EVC: variants seen among roughly 807,000 people sequenced by gnomAD.
EVC encodes the protein evC complex member EVC.
Under a neutral mutation model 118.9 loss-of-function variants are expected in EVC, and 116 were observed. That is an observed-to-expected ratio of 0.98 (90% CI 0.84 to 1.14). The LOEUF is 1.14. Among genes scored for constraint, EVC ranks in the 50% most tolerant of loss-of-function variants. The pLI is 0.00. For synonymous variants in EVC, 619 were observed against 534.7 expected (o/e 1.16, Z -2.18); for missense variants, 1,401 against 1,246.4 (o/e 1.12, Z -1.87).
rs574178952 is a variant in EVC at position 5,802,564 on chromosome 4, G to C, written c.2449+470G>C. On this transcript the variant is annotated intron_variant, in intron 16 of 20. Coordinates refer to ENST00000264956, the MANE Select transcript of EVC (RefSeq NM_153717.3). ...TAATTATACAACTCACCATAATGTA[G>C]AATCAGTGGGAGCCCTGAGCTTGTT... Among the ~76,000 whole-genome samples the C allele has an allele frequency of 2.8e-5, 4 of 140,436 alleles. No individual in the cohort carries two copies. The South Asian group carries it at 1.1e-3, about 40-fold the overall frequency. 92.1% of individuals were successfully genotyped at this position (140,436 alleles called of 152,430 possible).
At chr4:5,761,418 G>A (rs546721848) in intron 11 of EVC, among the ~76,000 whole-genome samples, 2 of 144,724 alleles carry the variant, frequency 1.4e-5, no homozygotes, top group Non-Finnish European at 3.0e-5. Context: ...CTGGAAAAAC[G>A]CAAGTCACAG....
At chr4:5,751,389 C>A (rs1043421736) in intron 8 of EVC, among the ~76,000 whole-genome samples, 16 of 152,254 alleles carry the variant, frequency 1.1e-4, no homozygotes, top group Non-Finnish European at 2.4e-4. Context: ...ACTGCCGAAT[C>A]CAGCCAGCCT....
chr4:5,760,197 CAATAT>C (rs1731794088), intron 11 of EVC, among the ~76,000 whole-genome samples: 1 of 151,926 alleles, frequency 6.6e-6, no homozygotes, highest in South Asian at 2.1e-4. Context: ...TTCGGGGGCC[CAATAT>C]ATTTTCCTTT....
chr4:5,756,160 C>T lies in EVC; in HGVS notation c.1465-104C>T. 2.2e-6 allele frequency: 2 copies of T among 900,096 alleles called. No individual in the cohort carries two copies. Among genetic ancestry groups the T allele is most frequent in the Non-Finnish European group, 1.8e-6 (1 of 563,788 alleles). The allele number at this position is 900,096 out of a possible 1,614,324, so 55.8% of individuals were successfully genotyped here. On this transcript the variant is annotated intron_variant, in intron 10 of 20. Transcript: ENST00000264956. This position sits in a 1 kb window ranked among gnomAD's most constrained non-coding sequence, Gnocchi z 4.2. ...TGTGTGTAATACAGGTGCCAACATC[C>T]TTCTTTCTAACCTGAGATGCAGGGG...
In EVC at chr4:5,740,827, C is replaced by T. The variant is rs184671780; in HGVS notation, c.703-889C>T. The stretch of plus-strand genomic sequence containing the variant: ...AGGATATATAGATGGTAAGTAAACA[C>T]GTAAAAAGGTGTTCAATGTCATTAA... On this transcript the variant is annotated intron_variant, in intron 5 of 20. Coordinates refer to ENST00000264956, the MANE Select transcript of EVC (RefSeq NM_153717.3). Among the ~76,000 whole-genome samples the T allele has an allele frequency of 4.1e-3, 628 of 152,148 alleles. 1 individual carries two copies. Among genetic ancestry groups the T allele is most frequent in the Non-Finnish European group, 6.2e-3 (424 of 68,004 alleles).
chr4:5,809,650 T>G (rs1325016197), intron 19 of EVC, 39 bp downstream of exon 19: 3 of 1,567,076 alleles, frequency 1.9e-6, no homozygotes, highest in Admixed American at 1.7e-5. Flanking sequence ...GGAAGCACTC[T>G]GGGCTGAGAG....
intron 14 of EVC, among the ~76,000 whole-genome samples, chr4:5,797,841 G>T (rs73204282): frequency 0.14 from 20,716 of 152,234 alleles, 1,621 homozygotes; most frequent in Admixed American, 0.17. Flanking sequence ...GGGGACAGGT[G>T]CAGTTGTCAT....
chr4:5,799,996 T>C (rs1714680864), intron 15 of EVC, among the ~76,000 whole-genome samples: 1 of 152,186 alleles, frequency 6.6e-6, no homozygotes, highest in Non-Finnish European at 1.5e-5. Flanking sequence ...CAGAGGGATT[T>C]TGAGTCAAGA....
the EVC span, chr4:5,821,749 C>T: frequency 2.2e-5 from 35 of 1,601,864 alleles, no homozygotes; most frequent in Non-Finnish European, 2.8e-5. The surrounding 1 kb of genome is among the most constrained non-coding windows in gnomAD (Gnocchi z 4.4). Flanking sequence ...AGCTCCTCCG[C>T]GCATCCACGT....
In EVC at chr4:5,743,159, T is replaced by TG. The variant is rs1196081546; in HGVS notation, c.801+1346dup. ...TAATCTGTGGTTGTGCTGGTGGGAGTGTCTTATGCTAATGAGCAATGAGGG... is the reference window on the plus strand; with the variant it reads ...TAATCTGTGGTTGTGCTGGTGGGAGTGGTCTTATGCTAATGAGCAATGAGGG... On this transcript the variant is annotated intron_variant, in intron 6 of 20. Coordinates refer to ENST00000264956, the MANE Select transcript of EVC (RefSeq NM_153717.3). This position sits in a 1 kb window ranked among gnomAD's most constrained non-coding sequence, Gnocchi z 4.7. 6.6e-6 allele frequency among the ~76,000 whole-genome samples: 1 copy of TG among 151,972 alleles called. No individual in the cohort carries two copies. The highest frequency in any genetic ancestry group is 3.2e-3 in the Middle Eastern group (1 of 316).
In EVC at chr4:5,798,562, T is replaced by C. The variant is rs1560427543; in HGVS notation, c.2098-24T>C. 2 of 1,550,350 alleles carry C rather than the reference T, an allele frequency of 1.3e-6. No individual in the cohort carries two copies. The highest frequency in any genetic ancestry group is 8.7e-7 in the Non-Finnish European group (1 of 1,147,384). ...CTCTGTGAGAGGAGCACTTGGCCCC[T>C]GCTCCCAGTCCTTTCCCTCCCAGGA... On this transcript the variant is annotated intron_variant, in intron 14 of 20. Coordinates refer to ENST00000264956, the MANE Select transcript of EVC (RefSeq NM_153717.3). This position sits in a 1 kb window ranked among gnomAD's most constrained non-coding sequence, Gnocchi z 4.1.
At chr4:5,775,176 C>T (rs192698531) in intron 11 of EVC, among the ~76,000 whole-genome samples, 1 of 152,138 alleles carries the variant, frequency 6.6e-6, no homozygotes, top group Non-Finnish European at 1.5e-5. Context: ...TGTCTCCTGG[C>T]AGAAAATTGG....
Position 5,810,915 on chromosome 4 carries a change from C to T in EVC, c.2895-38C>T, listed in dbSNP as rs775316576. 90 of 1,567,076 alleles carry T rather than the reference C, an allele frequency of 5.7e-5. No homozygotes were observed. In the South Asian group the frequency reaches 6.6e-4, roughly 12 times the overall value. ...TATGGCATCATGATGGGCATGGAGT[C>T]AGCGTTCTAACTGGCTGCCTTTCTT... On this transcript the variant is annotated intron_variant, in intron 20 of 20. Transcript: ENST00000264956.
At chr4:5,792,376 A>C (rs1712955008) in intron 12 of EVC, among the ~76,000 whole-genome samples, 1 of 152,258 alleles carries the variant, frequency 6.6e-6, no homozygotes, top group Non-Finnish European at 1.5e-5. Flanking sequence ...GATGAATTAT[A>C]CTTTAGGCAG....
chr4:5,747,975 A>G (rs1375784725), intron 7 of EVC, 173 bp from the exon 8 acceptor site: 1 of 748,924 alleles, frequency 1.3e-6, no homozygotes. Flanking sequence ...TGGAACCAGA[A>G]AGAACTTCAC....
At position 5,719,349 on chromosome 4, in the gene EVC, G is replaced by A. The variant is rs1467789013; in HGVS notation, c.276G>A (p.Met92Ile). Residue 92 changes from methionine (M) to isoleucine (I), a missense_variant, in exon 2 of 21, where the codon ATG (methionine) becomes ATA (isoleucine). Physicochemically the swap from Met to Ile is conservative, Grantham distance 10 (BLOSUM62 1). Transcript: ENST00000264956. The surrounding 1 kb of genome is among the most constrained non-coding windows in gnomAD (Gnocchi z 4.7). The stretch of plus-strand genomic sequence containing the variant: ...GGAGGAGGAAGAGAGAAGTGCAGAT[G>A]TCGAAGGACAAGGAAGCTGTTGATG... ...PSRRRKREVQ[M>I]SKDKEAVDEC... 6 of 1,614,084 alleles carry A rather than the reference G, an allele frequency of 3.7e-6. No homozygotes were observed. The highest frequency in any genetic ancestry group is 1.6e-4 in the Middle Eastern group (1 of 6,084).
At position 5,717,108 on chromosome 4, in the gene EVC, G is replaced by A. The variant is rs147153736; in HGVS notation, c.175-2140G>A. On this transcript the variant is annotated intron_variant, in intron 1 of 20. Coordinates refer to ENST00000264956, the MANE Select transcript of EVC (RefSeq NM_153717.3). ...CCAAGAACTCCTATCACTTTTTTAG[G>A]TTGAATTGGGCTTCCAATCTTAGTC... is the stretch of plus-strand genomic sequence containing the variant. Among the ~76,000 whole-genome samples, 1,037 of 152,048 alleles carry A rather than the reference G, an allele frequency of 6.8e-3. 29 individuals are homozygous for A. Among genetic ancestry groups the A allele is most frequent in the East Asian group, 0.049 (253 of 5,156 alleles).
intron 2 of EVC, among the ~76,000 whole-genome samples, chr4:5,723,339 G>A (rs557071395): frequency 2.5e-4 from 38 of 152,002 alleles, no homozygotes; most frequent in African/African-American, 8.0e-4. Context: ...ACAGGCATGC[G>A]CCACCACACC....
Position 5,743,802 on chromosome 4 carries a change from C to A in EVC, c.802-1402C>A, listed in dbSNP as rs558637309. Among the ~76,000 whole-genome samples, 1 of 152,264 alleles carries A rather than the reference C, an allele frequency of 6.6e-6. No homozygotes were observed. Among genetic ancestry groups the A allele is most frequent in the Admixed American group, 6.5e-5 (1 of 15,298 alleles). ...TTATTTCATTTAATAGTTATGACAG[C>A]CCTGTGAGTGGCCATTGTTATTTTT... On this transcript the variant is annotated intron_variant, in intron 6 of 20. Coordinates refer to ENST00000264956, the MANE Select transcript of EVC (RefSeq NM_153717.3). The surrounding 1 kb of genome is among the most constrained non-coding windows in gnomAD (Gnocchi z 4.7).
Sources: gnomAD v4.1 joint callset for allele counts (sites outside exome capture counted in the v4.1 genomes callset) on GRCh38, gnomAD v4.1.1 for gene constraint, Gnocchi (gnomAD v3.1) non-coding constraint, MANE v1.5 for transcripts, NCBI Gene and HGNC (gene_info 2026-07-23, HGNC 2026-07-21) for gene names.